The following MAGI2 variants were observed in gnomAD, a reference collection of about 807,000 sequenced individuals.
The protein encoded by MAGI2 is membrane associated guanylate kinase, WW and PDZ domain containing 2.
Under a neutral mutation model 133.3 loss-of-function variants are expected in MAGI2, and 35 were observed. That is an observed-to-expected ratio of 0.26 (90% CI 0.20 to 0.35). The LOEUF (loss-of-function observed/expected upper bound fraction) is 0.35, where lower values mean the gene tolerates loss of function less well. Ranked by LOEUF, MAGI2 falls within the 10% of genes least tolerant of loss-of-function variation. The pLI, the probability that MAGI2 is intolerant of heterozygous loss-of-function variation, is 1.00. For synonymous variants in MAGI2, 729 were observed against 710.6 expected (o/e 1.03, Z -0.41); for missense variants, 1,636 against 1,863.4 (o/e 0.88, Z 2.25).
intron 6 of MAGI2, among the ~76,000 whole-genome samples, chr7:78,438,832 A>G (rs1284513638): frequency 2.0e-5 from 3 of 152,142 alleles, no homozygotes; most frequent in Admixed American, 2.0e-4. Context: ...AGAGCAGGAA[A>G]TGGGAAAATG....
chr7:79,190,930 T>C (rs924034926), intron 1 of MAGI2, among the ~76,000 whole-genome samples: 2 of 151,700 alleles, frequency 1.3e-5, no homozygotes, highest in Admixed American at 1.3e-4. Context: ...AAAAATAAGA[T>C]ATAAATTTTC....
At chr7:79,236,617 C>T (rs187718065) in intron 1 of MAGI2, among the ~76,000 whole-genome samples, 2 of 152,294 alleles carry the variant, frequency 1.3e-5, no homozygotes, top group Admixed American at 6.5e-5. Context: ...TGTCCCAAGT[C>T]TGTAAAATGA....
At chr7:78,361,288 G>C (rs548224663) in intron 7 of MAGI2, among the ~76,000 whole-genome samples, 1 of 152,086 alleles carries the variant, frequency 6.6e-6, no homozygotes, top group East Asian at 1.9e-4. Context: ...CAGCTACTTG[G>C]GGGGCTGAGG....
intron 9 of MAGI2, among the ~76,000 whole-genome samples, chr7:78,292,632 C>A (rs1796835299): frequency 6.6e-6 from 1 of 152,294 alleles, no homozygotes; most frequent in East Asian, 1.9e-4. Flanking sequence ...CCAAGACAAT[C>A]CTAAGTCAAA....
At chr7:78,992,887 G>A (rs915635461) in intron 2 of MAGI2, among the ~76,000 whole-genome samples, 9 of 151,960 alleles carry the variant, frequency 5.9e-5, no homozygotes, top group African/African-American at 2.2e-4. Flanking sequence ...ATTTTCTATA[G>A]TGCTTCAAAT....
At chr7:79,311,393 T>C (rs540566932) in intron 1 of MAGI2, among the ~76,000 whole-genome samples, 1 of 152,252 alleles carries the variant, frequency 6.6e-6, no homozygotes, top group African/African-American at 2.4e-5. Context: ...TTTATGAATT[T>C]GTGTTGTGCT....
At chr7:78,928,843 A>C (rs1050689515) in intron 2 of MAGI2, among the ~76,000 whole-genome samples, 1 of 152,098 alleles carries the variant, frequency 6.6e-6, no homozygotes, top group Non-Finnish European at 1.5e-5. Flanking sequence ...TGAAATTAAC[A>C]ATATGATTCC....
intron 1 of MAGI2, among the ~76,000 whole-genome samples, chr7:79,360,095 A>G (rs771697728): frequency 4.6e-5 from 7 of 152,202 alleles, no homozygotes; most frequent in Non-Finnish European, 8.8e-5. Flanking sequence ...GCTCAAGAAC[A>G]ATGTTAACAT....
chr7:78,950,970 T>C (rs919705455), intron 2 of MAGI2, among the ~76,000 whole-genome samples: 1 of 121,040 alleles, frequency 8.3e-6, no homozygotes, highest in Non-Finnish European at 1.7e-5. Flanking sequence ...TAACGTTAGC[T>C]TTTTTTTTTT....
intron 2 of MAGI2, among the ~76,000 whole-genome samples, chr7:78,779,941 T>C (rs1826266843): frequency 6.6e-6 from 1 of 152,208 alleles, no homozygotes; most frequent in Non-Finnish European, 1.5e-5. Flanking sequence ...ATTAACACCT[T>C]TCAATACAAA....
chr7:78,621,855 A>C (rs1807779300), intron 3 of MAGI2, among the ~76,000 whole-genome samples: 1 of 152,038 alleles, frequency 6.6e-6, no homozygotes, highest in South Asian at 2.1e-4. Context: ...CACAAAGTTT[A>C]AAATGAGAAT....
At chr7:79,408,792 G>A (rs1024271247) in intron 1 of MAGI2, among the ~76,000 whole-genome samples, 1 of 152,048 alleles carries the variant, frequency 6.6e-6, no homozygotes, top group Non-Finnish European at 1.5e-5. Context: ...AAACCCATAG[G>A]TTATTCATAT....
chr7:79,186,191 A>AATATATATATATATAT lies in MAGI2; in HGVS notation c.302-179001_302-178986dup, dbSNP rs60719172. Among the ~76,000 whole-genome samples the AATATATATATATATAT allele has an allele frequency of 5.4e-4, 60 of 111,732 alleles. 1 individual carries two copies. Among genetic ancestry groups the AATATATATATATATAT allele is most frequent in the South Asian group, 2.0e-3 (6 of 3,042 alleles). 73.3% of individuals were successfully genotyped at this position (111,732 alleles called of 152,430 possible). A position where few individuals can be genotyped will look rare whatever the true frequency, so the allele number is the denominator to read the frequency against. The stretch of plus-strand genomic sequence containing the variant: ...GAGGCCAGCCCTATTTGCCTGGGAA[A>AATATATATATATATAT]ATATATATATATATATATATATATA... On this transcript the variant is annotated intron_variant, in intron 1 of 21. Coordinates refer to ENST00000354212, the MANE Select transcript of MAGI2 (RefSeq NM_012301.4).
intron 1 of MAGI2, among the ~76,000 whole-genome samples, chr7:79,173,311 A>G (rs1273932033): frequency 6.6e-6 from 1 of 151,430 alleles, no homozygotes; most frequent in Non-Finnish European, 1.5e-5. Flanking sequence ...AAATTAATTT[A>G]CTATTATAAT....
At chr7:78,998,651 CT>C (rs1806555381) in intron 2 of MAGI2, among the ~76,000 whole-genome samples, 1 of 152,128 alleles carries the variant, frequency 6.6e-6, no homozygotes, top group Admixed American at 6.6e-5. Flanking sequence ...ATAGCAGTGA[CT>C]TTAATTAGTA....
At chr7:78,805,075 T>TA (rs1224711572) in intron 2 of MAGI2, among the ~76,000 whole-genome samples, 6 of 149,450 alleles carry the variant, frequency 4.0e-5, no homozygotes, top group Non-Finnish European at 7.4e-5. Flanking sequence ...CAAAAAAAAA[T>TA]AAAAAAATAA....
At chr7:78,599,841 C>A (rs921264295) in intron 3 of MAGI2, among the ~76,000 whole-genome samples, 1 of 152,186 alleles carries the variant, frequency 6.6e-6, no homozygotes, top group Non-Finnish European at 1.5e-5. Context: ...AGACCTCACT[C>A]TGCTGCTTGT....
intron 2 of MAGI2, among the ~76,000 whole-genome samples, chr7:78,635,668 A>G (rs1487916726): frequency 2.6e-5 from 4 of 152,170 alleles, no homozygotes; most frequent in African/African-American, 4.8e-5. Flanking sequence ...GCTGGAAAAA[A>G]TAGATCTTGA....
At chr7:78,932,408 C>A (rs1027153604) in intron 2 of MAGI2, among the ~76,000 whole-genome samples, 5 of 151,734 alleles carry the variant, frequency 3.3e-5, no homozygotes, top group African/African-American at 1.2e-4. Context: ...TGTCTTACAG[C>A]AGAGTATGGT....
Sources: gnomAD v4.1 joint callset for allele counts (sites outside exome capture counted in the v4.1 genomes callset) on GRCh38, gnomAD v4.1.1 for gene constraint, MANE v1.5 for transcripts, NCBI Gene and HGNC (gene_info 2026-07-23, HGNC 2026-07-21) for gene names.